Variants in TSPAN7 observed in about 807,000 individuals in gnomAD.
TSPAN7 encodes the protein tetraspanin 7, also known as tetraspanin-7.
In TSPAN7, 1 loss-of-function variant was observed where a neutral mutation model predicts 17.6. The ratio of observed to expected loss-of-function variants is 0.06; its 90% CI spans 0.02 to 0.27. The LOEUF (loss-of-function observed/expected upper bound fraction) is 0.27. Among genes scored for constraint, TSPAN7 ranks in the 10% least tolerant of loss-of-function variants. TSPAN7 has a pLI of 1.00. For missense variants in TSPAN7, 112 were observed against 201.7 expected, an observed-to-expected ratio of 0.56 and a Z score of 2.69; for synonymous variants, 78 against 79.0, an observed-to-expected ratio of 0.99 and a Z score of 0.07.
intron 1 of TSPAN7, among the ~76,000 whole-genome samples, chrX:38,639,171 G>A (rs1911021249): frequency 1.8e-5 from 2 of 110,935 alleles, no homozygotes; most frequent in Admixed American, 9.6e-5. Context: ...GCAACTCTGG[G>A]TTATTGGGCA....
chrX:38,606,207 A>G (rs1025483789), intron 1 of TSPAN7, among the ~76,000 whole-genome samples: 1 of 110,013 alleles, frequency 9.1e-6, no homozygotes, highest in Non-Finnish European at 1.9e-5. Flanking sequence ...ACTCCAACAA[A>G]TTTACAAGAA....
At chrX:38,658,998 CCATACACACACACACA>C (rs1569313249) in intron 1 of TSPAN7, among the ~76,000 whole-genome samples, 1 of 49,589 alleles carries the variant, frequency 2.0e-5, no homozygotes. Context: ...GTATTATCTT[CCATACACACACACACA>C]CACACACACA....
chrX:38,599,250 G>A (rs984627336), intron 1 of TSPAN7, among the ~76,000 whole-genome samples: 5 of 110,826 alleles, frequency 4.5e-5, no homozygotes, highest in African/African-American at 1.6e-4. Context: ...TTTGGGTAGT[G>A]GGTTCATGTG....
intron 1 of TSPAN7, chrX:38,646,307 G>T: frequency 2.6e-6 from 3 of 1,153,228 alleles, no homozygotes; most frequent in Non-Finnish European, 3.4e-6. Context: ...TGTGGCTATG[G>T]CTTTGGTAAG....
intron 1 of TSPAN7, among the ~76,000 whole-genome samples, chrX:38,566,653 T>G (rs2069145061): frequency 8.9e-6 from 1 of 112,043 alleles, no homozygotes; most frequent in African/African-American, 3.2e-5. Flanking sequence ...AATCATTATA[T>G]TTTTGTGATC....
chrX:38,680,774 G>T (rs1309818694), intron 5 of TSPAN7, among the ~76,000 whole-genome samples: 1 of 111,525 alleles, frequency 9.0e-6, no homozygotes, highest in Non-Finnish European at 1.9e-5. Context: ...TTATGATCCT[G>T]AGATTTCCTG....
intron 1 of TSPAN7, among the ~76,000 whole-genome samples, chrX:38,578,809 G>A (rs973327565): frequency 1.8e-5 from 2 of 111,338 alleles, no homozygotes; most frequent in Admixed American, 1.9e-4. Context: ...GTTCAAATGA[G>A]CTATCTACAA....
At chrX:38,655,940 G>A (rs1165342965) in intron 1 of TSPAN7, 2 of 303,962 alleles carry the variant, frequency 6.6e-6, no homozygotes, top group Non-Finnish European at 1.3e-5. Flanking sequence ...TGAGAAAGAA[G>A]TGTGCCACTG....
At chrX:38,659,677 T>TTTG (rs2069729458) in intron 1 of TSPAN7, among the ~76,000 whole-genome samples, 1 of 108,616 alleles carries the variant, frequency 9.2e-6, no homozygotes, top group East Asian at 2.9e-4. Flanking sequence ...TTTTTTTTTT[T>TTTG]TTGAGATGGA....
chrX:38,674,427 C>A, intron 4 of TSPAN7, 111 bp downstream of exon 4: 1 of 669,789 alleles, frequency 1.5e-6, no homozygotes, highest in Non-Finnish European at 2.4e-6. Context: ...TTCTTCAACT[C>A]TTAGTCCAGT....
chrX:38,578,318 A>G (rs1469914063), intron 1 of TSPAN7, among the ~76,000 whole-genome samples: 1 of 112,137 alleles, frequency 8.9e-6, no homozygotes, highest in Non-Finnish European at 1.9e-5. Context: ...GGCCGGCAGC[A>G]TTAATGGATG....
Position 38,675,838 on chromosome X carries a change from C to A in TSPAN7, c.575C>A (p.Ala192Asp). 3 of 1,211,588 alleles carry A rather than the reference C, an allele frequency of 2.5e-6. No individual in the cohort carries two copies. The highest frequency in any genetic ancestry group is 3.4e-6 in the Non-Finnish European group (3 of 895,457). ...CAGGATCTACACAATCTGACTGTGG[C>A]CGCCACCAAAGTTAACCAGAAGGTA... Reference protein sequence around the residue: ...NPQDLHNLTVAATKVNQKGCY... With the variant: ...NPQDLHNLTVDATKVNQKGCY... Residue 192 changes from alanine (A) to aspartate (D), a missense_variant, in exon 5 of 8, where the codon GCC becomes GAC. By Grantham distance (126) the Ala-to-Asp change is moderately radical. Coordinates refer to ENST00000378482, the MANE Select transcript of TSPAN7 (RefSeq NM_004615.4).
chrX:38,657,154 C>G (rs2069709722), intron 1 of TSPAN7, among the ~76,000 whole-genome samples: 1 of 111,095 alleles, frequency 9.0e-6, no homozygotes, highest in Non-Finnish European at 1.9e-5. Flanking sequence ...TACAGAGTAC[C>G]TAATAACATG....
intron 1 of TSPAN7, among the ~76,000 whole-genome samples, 179 bp from the exon 2 acceptor site, chrX:38,665,942 T>G (rs377172745): frequency 1.8e-5 from 2 of 112,447 alleles, no homozygotes; most frequent in African/African-American, 6.5e-5. Flanking sequence ...GGAAAATAAA[T>G]GAAGTGTCTT....
intron 1 of TSPAN7, among the ~76,000 whole-genome samples, chrX:38,638,230 T>C (rs1428100490): frequency 8.9e-6 from 1 of 112,145 alleles, no homozygotes; most frequent in Non-Finnish European, 1.9e-5. Context: ...TTTAAAAAAT[T>C]GAAATTGTAT....
chrX:38,679,645 C>A (rs961045288), intron 5 of TSPAN7, among the ~76,000 whole-genome samples: 12 of 106,296 alleles, frequency 1.1e-4, no homozygotes, highest in African/African-American at 4.2e-4. Flanking sequence ...ACTAAAAATA[C>A]AAAAATTAGC....
intron 1 of TSPAN7, chrX:38,566,490 G>A: frequency 2.8e-6 from 1 of 360,030 alleles, no homozygotes; most frequent in Non-Finnish European, 3.9e-6. Flanking sequence ...CTTGGGCTCA[G>A]TTATTTATTT....
intron 1 of TSPAN7, among the ~76,000 whole-genome samples, chrX:38,585,905 C>T (rs182654225): frequency 1.8e-5 from 2 of 112,781 alleles, no homozygotes; most frequent in East Asian, 5.6e-4. Flanking sequence ...GCCTGAGTCC[C>T]TCACCAGAAG....
At chrX:38,654,639 G>C (rs188643339) in intron 1 of TSPAN7, among the ~76,000 whole-genome samples, 39 of 112,171 alleles carry the variant, frequency 3.5e-4, no homozygotes, top group African/African-American at 1.2e-3. Context: ...CCTGCCTGCT[G>C]TCTTGTATTT....
Sources: allele counts gnomAD v4.1 joint callset (sites outside exome capture counted in the v4.1 genomes callset), GRCh38; gene constraint gnomAD v4.1.1; transcripts MANE v1.5; gene names NCBI Gene and HGNC (gene_info 2026-07-23, HGNC 2026-07-21).